The following KANK1 variants were observed in gnomAD, a reference collection of about 807,000 sequenced individuals.
KANK1 encodes KN motif and ankyrin repeat domain-containing protein 1.
A neutral mutation model predicts 106.2 loss-of-function variants in KANK1; 109 were observed. The observed-to-expected ratio is 1.03, with a 90% CI of 0.88 to 1.20. The LOEUF is 1.20. Among genes scored for constraint, KANK1 ranks in the 50% most tolerant of loss-of-function variants. KANK1 has a pLI of 0.00. For synonymous variants in KANK1, 873 were observed against 652.2 expected, an observed-to-expected ratio of 1.34 and a Z score of -5.16; for missense variants, 2,399 against 1,710.7, an observed-to-expected ratio of 1.40 and a Z score of -7.10.
intron 1 of KANK1, among the ~76,000 whole-genome samples, chr9:609,249 T>C (rs1830031070): frequency 6.6e-6 from 1 of 152,370 alleles, no homozygotes; most frequent in Admixed American, 6.5e-5. Flanking sequence ...ATTTTATAAG[T>C]TTATTGTTTG....
chr9:579,140 G>A (rs1821356416), intron 1 of KANK1, among the ~76,000 whole-genome samples: 1 of 152,174 alleles, frequency 6.6e-6, no homozygotes, highest in South Asian at 2.1e-4. Flanking sequence ...GGGATGGGAG[G>A]TCTAGTAACT....
intron 1 of KANK1, among the ~76,000 whole-genome samples, chr9:618,713 A>G (rs1239478419): frequency 3.3e-5 from 5 of 152,128 alleles, no homozygotes. Flanking sequence ...CTTTTTTTAA[A>G]AAAAAGTCTC....
chr9:503,863 A>T (rs1040395138), upstream of KANK1, among the ~76,000 whole-genome samples: 1 of 152,206 alleles, frequency 6.6e-6, no homozygotes, highest in Non-Finnish European at 1.5e-5. Context: ...CTAGGAAGCC[A>T]GTTCAATCCT....
chr9:544,314 C>T (rs2060796291), intron 1 of KANK1, among the ~76,000 whole-genome samples: 1 of 152,176 alleles, frequency 6.6e-6, no homozygotes, highest in Non-Finnish European at 1.5e-5. Flanking sequence ...AGAGCCACTG[C>T]ACCTGGCCCT....
At chr9:571,812 C>T (rs1400340753) in intron 1 of KANK1, among the ~76,000 whole-genome samples, 1 of 152,096 alleles carries the variant, frequency 6.6e-6, no homozygotes, top group African/African-American at 2.4e-5. Context: ...TAAAAGGCAG[C>T]ACATAGATTA....
intron 3 of KANK1, among the ~76,000 whole-genome samples, chr9:496,593 TAAATG>T (rs752143086): frequency 5.3e-5 from 8 of 152,130 alleles, no homozygotes; most frequent in Admixed American, 1.3e-4. Context: ...CATAAATAAA[TAAATG>T]AAAGAAATAA....
chr9:541,581 C>T (rs1203194151), intron 1 of KANK1, among the ~76,000 whole-genome samples: 1 of 151,834 alleles, frequency 6.6e-6, no homozygotes, highest in Non-Finnish European at 1.5e-5. Flanking sequence ...TTGGATATGA[C>T]CTCAAAAGTA....
At chr9:514,220 CT>C in intron 1 of KANK1, among the ~76,000 whole-genome samples, 4 of 95,916 alleles carry the variant, frequency 4.2e-5, no homozygotes, top group African/African-American at 3.6e-4. Flanking sequence ...CCCTCCCTCC[CT>C]TCCTCCCTCC....
chr9:531,987 A>C (rs1337211638), intron 1 of KANK1, among the ~76,000 whole-genome samples: 2 of 152,196 alleles, frequency 1.3e-5, no homozygotes, highest in African/African-American at 4.8e-5. Flanking sequence ...GAGGAATTTC[A>C]ACAACTTGTT....
intron 1 of KANK1, among the ~76,000 whole-genome samples, chr9:666,017 A>C (rs1844477699): frequency 6.6e-6 from 1 of 152,046 alleles, no homozygotes; most frequent in Non-Finnish European, 1.5e-5. Context: ...TCATCTCTAA[A>C]AAAAAATCAA....
chr9:519,195 C>G (rs2059437957), intron 1 of KANK1, among the ~76,000 whole-genome samples: 1 of 151,674 alleles, frequency 6.6e-6, no homozygotes, highest in South Asian at 2.1e-4. Context: ...CAGTGTCTTT[C>G]AACTTTTACT....
intron 1 of KANK1, among the ~76,000 whole-genome samples, chr9:610,606 C>G (rs534198629): frequency 6.6e-6 from 1 of 152,314 alleles, no homozygotes; most frequent in Admixed American, 6.5e-5. Context: ...GCCCCCTTGA[C>G]TCTGATCAAG....
intron 2 of KANK1, chr9:693,878 T>C: frequency 2.2e-6 from 2 of 928,686 alleles, no homozygotes; most frequent in Non-Finnish European, 2.6e-6. Flanking sequence ...CTGTGTGTTG[T>C]GAAAAAGATT....
Position 732,286 on chromosome 9 carries a change from GGA to G in KANK1, c.3006-90_3006-89del, listed in dbSNP as rs1491394771. The G allele has an allele frequency of 7.6e-6, 11 of 1,438,244 alleles. No homozygotes were observed. In the East Asian group the frequency reaches 2.1e-4, roughly 27 times the overall value. 89.1% of individuals were successfully genotyped at this position (1,438,244 alleles called of 1,614,324 possible). ...ATCTAAAACCACTAGTGAAATTTCTGGAGTCAATTAGCAAATCCCTTCATAGA... is the reference window on the plus strand; with the variant it reads ...ATCTAAAACCACTAGTGAAATTTCTGGTCAATTAGCAAATCCCTTCATAGA... On this transcript the variant is annotated intron_variant, in intron 5 of 11. Coordinates refer to ENST00000382297, the MANE Select transcript of KANK1 (RefSeq NM_015158.5).
chr9:476,333 C>T (rs775580677), intron 3 of KANK1, among the ~76,000 whole-genome samples: 7 of 152,052 alleles, frequency 4.6e-5, no homozygotes, highest in Non-Finnish European at 1.0e-4. Context: ...CCAGCCTGGT[C>T]AACATAGTGA....
At chr9:631,679 A>G (rs1232670560) in intron 1 of KANK1, among the ~76,000 whole-genome samples, 1 of 152,212 alleles carries the variant, frequency 6.6e-6, no homozygotes, top group Non-Finnish European at 1.5e-5. Flanking sequence ...CTTCCAAAAT[A>G]AAGTCCAACT....
In KANK1 at chr9:713,359, C is replaced by T; in HGVS notation, c.2593C>T (p.Gln865Ter). 3 of 1,614,188 alleles carry T rather than the reference C, an allele frequency of 1.9e-6. No individual in the cohort carries two copies. The highest frequency in any genetic ancestry group is 1.7e-6 in the Non-Finnish European group (2 of 1,180,020). Residue 865 changes from glutamine to a stop codon, truncating the protein, a stop_gained, in exon 3 of 12, where the codon CAG becomes TAG. Coordinates refer to ENST00000382297, the MANE Select transcript of KANK1 (RefSeq NM_015158.5). LOFTEE classifies it high-confidence loss of function. The stretch of plus-strand genomic sequence containing the variant: ...CTCACAGATGGGCTCCCTCAACTCT[C>T]AGCTCATCAGCACCCTGTCGTCTAT... ...PHSQMGSLNS[Q>*]LISTLSSINS... is the part of the protein sequence containing the mutation.
At chr9:546,618 T>C (rs570733123) in intron 1 of KANK1, among the ~76,000 whole-genome samples, 32 of 152,240 alleles carry the variant, frequency 2.1e-4, no homozygotes, top group African/African-American at 6.7e-4. Flanking sequence ...TTATAGGTTT[T>C]CATTTGTTTA....
At chr9:700,251 G>C (rs914081437) in intron 2 of KANK1, among the ~76,000 whole-genome samples, 1 of 152,144 alleles carries the variant, frequency 6.6e-6, no homozygotes, top group Non-Finnish European at 1.5e-5. Context: ...TAAACCAGAA[G>C]GAGGAACACT....
Sources: allele counts gnomAD v4.1 joint callset (sites outside exome capture counted in the v4.1 genomes callset), GRCh38; gene constraint gnomAD v4.1.1; transcripts MANE v1.5; gene names NCBI Gene and HGNC (gene_info 2026-07-23, HGNC 2026-07-21).